The following CEP97 variants were observed in gnomAD, a reference collection of about 807,000 sequenced individuals.
The protein encoded by CEP97 is centrosomal protein of 97 kDa.
A neutral mutation model predicts 73.1 loss-of-function variants in CEP97; 43 were observed. That is an observed-to-expected ratio of 0.59 (90% CI 0.46 to 0.76). The LOEUF is 0.76. Among genes scored for constraint, CEP97 ranks in the 30% least tolerant of loss-of-function variants. CEP97 has a pLI of 0.00. For synonymous variants in CEP97, 337 were observed against 370.0 expected (o/e 0.91, Z 1.02); for missense variants, 939 against 1,014.0 (o/e 0.93, Z 1.00).
intron 6 of CEP97, among the ~76,000 whole-genome samples, chr3:101,738,071 T>A (rs564120001): frequency 1.2e-4 from 17 of 141,720 alleles, no homozygotes; most frequent in Middle Eastern, 3.8e-3. Flanking sequence ...TAAAACAGAC[T>A]TTAAACCAAC....
At position 101,732,666 on chromosome 3, in the gene CEP97, C is replaced by T; in HGVS notation, c.728+12C>T. On this transcript the variant is annotated intron_variant, in intron 6 of 10. Coordinates refer to ENST00000341893, the MANE Select transcript of CEP97 (RefSeq NM_024548.4). Reference sequence around the variant, plus strand: ...TCTCAGAAGGAAAGGTAAACATGTGCTCTTTAACATCACAAATGTTACTGA... The same window carrying T: ...TCTCAGAAGGAAAGGTAAACATGTGTTCTTTAACATCACAAATGTTACTGA... The T allele has an allele frequency of 1.3e-6, 2 of 1,589,662 alleles. No homozygotes were observed. The highest frequency in any genetic ancestry group is 1.1e-5 in the South Asian group (1 of 88,928).
intron 6 of CEP97, among the ~76,000 whole-genome samples, chr3:101,752,473 A>G (rs1938863001): frequency 6.6e-6 from 1 of 152,282 alleles, no homozygotes; most frequent in South Asian, 2.1e-4. Flanking sequence ...TCTCCTGGAT[A>G]ATATCTTGCA....
intron 6 of CEP97, among the ~76,000 whole-genome samples, chr3:101,744,156 A>G (rs1938540448): frequency 6.6e-6 from 1 of 152,162 alleles, no homozygotes; most frequent in Admixed American, 6.5e-5. Context: ...GTTACCCAGC[A>G]ATTTTACTTC....
chr3:101,741,819 A>T (rs1576684218), intron 6 of CEP97, among the ~76,000 whole-genome samples: 1 of 152,148 alleles, frequency 6.6e-6, no homozygotes, highest in South Asian at 2.1e-4. Context: ...AGGCAGGTGG[A>T]TCACGAGGTC....
rs766846570 is a variant in CEP97 at position 101,728,930 on chromosome 3, C to T, written c.440C>T (p.Ser147Phe). Residue 147 changes from serine (S) to phenylalanine (F), a missense_variant, in exon 4 of 11, where the codon TCC becomes TTC. Coordinates refer to ENST00000341893, the MANE Select transcript of CEP97 (RefSeq NM_024548.4). ...SQIGDLSKLV[S>F]LKTLLLHGNI... ...ATAGGTGATCTATCTAAATTGGTAT[C>T]CCTGAAAGTAAGTATGTTTTCTTTG... 2.7e-6 allele frequency: 4 copies of T among 1,488,422 alleles called. No individual in the cohort carries two copies. The highest frequency in any genetic ancestry group is 2.3e-5 in the East Asian group (1 of 44,252). The allele number at this position is 1,488,422 out of a possible 1,614,324, so 92.2% of individuals were successfully genotyped here.
At position 101,727,374 on chromosome 3, in the gene CEP97, T is replaced by C. The variant is rs1016370346; in HGVS notation, c.187-9T>C. The C allele has an allele frequency of 3.1e-6, 5 of 1,604,938 alleles. No homozygotes were observed. The highest frequency in any genetic ancestry group is 4.3e-6 in the Non-Finnish European group (5 of 1,175,496). Reference sequence around the variant, plus strand: ...TTCCTAAAAATAACAATATGTTTCCTTTTTACAGTTATCAGTAGCTAATAA... The same window carrying C: ...TTCCTAAAAATAACAATATGTTTCCCTTTTACAGTTATCAGTAGCTAATAA... On this transcript the variant is annotated splice_polypyrimidine_tract_variant and intron_variant, in intron 2 of 10. Transcript: ENST00000341893.
At chr3:101,745,268 T>C (rs750488973) in intron 6 of CEP97, among the ~76,000 whole-genome samples, 1 of 152,200 alleles carries the variant, frequency 6.6e-6, no homozygotes, top group Non-Finnish European at 1.5e-5. Flanking sequence ...ATATTTTCTT[T>C]TTAATTTTCA....
At chr3:101,742,232 C>T (rs1427851604) in intron 6 of CEP97, among the ~76,000 whole-genome samples, 2 of 151,882 alleles carry the variant, frequency 1.3e-5, no homozygotes, top group African/African-American at 2.4e-5. Flanking sequence ...ATCCCATTAC[C>T]GAGTATATAC....
rs778012381 is a variant in CEP97 at position 101,762,529 on chromosome 3, A to G, written c.1862A>G (p.Gln621Arg). 18 of 1,611,432 alleles carry G rather than the reference A, an allele frequency of 1.1e-5. No homozygotes were observed. Among genetic ancestry groups the G allele is most frequent in the Non-Finnish European group, 1.1e-5 (13 of 1,178,774 alleles). Reference sequence around the variant, plus strand: ...GAAGAACGTATTAAAAAATTTGTACAAGAAGAAGCTTTCAGATTCCTTTGG... The same window carrying G: ...GAAGAACGTATTAAAAAATTTGTACGAGAAGAAGCTTTCAGATTCCTTTGG... ...RDEERIKKFV[Q>R]EEAFRFLWNQ... The change falls in exon 10 of 11, where the codon CAA becomes CGA. Residue 621 changes from glutamine to arginine, a missense_variant. Transcript: ENST00000341893.
chr3:101,736,390 G>A (rs912143396), intron 6 of CEP97, among the ~76,000 whole-genome samples: 4 of 152,148 alleles, frequency 2.6e-5, no homozygotes, highest in African/African-American at 4.8e-5. Flanking sequence ...CCTGATCCCC[G>A]TGTCTCCTGA....
At chr3:101,751,030 G>C (rs1456595000) in intron 6 of CEP97, among the ~76,000 whole-genome samples, 2 of 152,122 alleles carry the variant, frequency 1.3e-5, no homozygotes, top group African/African-American at 4.8e-5. Context: ...GATCTTTCCT[G>C]CTTTCTCTTG....
intron 4 of CEP97, among the ~76,000 whole-genome samples, chr3:101,729,304 C>G (rs956437167): frequency 3.3e-5 from 5 of 150,350 alleles, no homozygotes; most frequent in Non-Finnish European, 7.4e-5. Flanking sequence ...GGTCACTGCA[C>G]TCTAGCCTGG....
intron 1 of CEP97, among the ~76,000 whole-genome samples, 190 bp downstream of exon 1, chr3:101,724,909 G>A (rs562145707): frequency 1.3e-5 from 2 of 152,320 alleles, no homozygotes; most frequent in East Asian, 3.9e-4. Context: ...CTCCGGCGTC[G>A]CGGTGAGGGC....
At chr3:101,758,920 T>C (rs923446731) in intron 9 of CEP97, 1 of 155,110 alleles carries the variant, frequency 6.4e-6, no homozygotes, top group Non-Finnish European at 1.4e-5. Context: ...ATTTCATTAA[T>C]ATTGCAACTA....
At chr3:101,763,019 G>A in intron 10 of CEP97, 1 of 1,180,596 alleles carries the variant, frequency 8.5e-7, no homozygotes, top group Non-Finnish European at 1.1e-6. Flanking sequence ...TAGGCAGTTG[G>A]TTTTACTAGC....
chr3:101,763,595 G>C (rs577801100), intron 10 of CEP97, among the ~76,000 whole-genome samples: 1 of 152,082 alleles, frequency 6.6e-6, no homozygotes, highest in Non-Finnish European at 1.5e-5. Flanking sequence ...TTGGGCGGGG[G>C]GTCAAAGGGA....
chr3:101,757,048 A>G lies in CEP97; in HGVS notation c.894-15A>G, dbSNP rs1939024883. ...TGGTTTGTGTTAAATTAGACCAGGT[A>G]TTATTGATTTTTAGGTTTCACCAGA... is the stretch of plus-strand genomic sequence containing the variant. On this transcript the variant is annotated splice_polypyrimidine_tract_variant and intron_variant, in intron 7 of 10. Transcript: ENST00000341893. The G allele has an allele frequency of 2.5e-6, 4 of 1,595,780 alleles. No individual in the cohort carries two copies. The highest frequency in any genetic ancestry group is 1.4e-5 in the African/African-American group (1 of 73,646).
In CEP97 at chr3:101,757,893, C is replaced by T; in HGVS notation, c.1287C>T (p.Gly429=). ...VELRLQGINL[G]LEDDGVADES... ...TGAGGCTGCAGGGCATTAACTTGGG[C>T]CTAGAAGATGATGGTGTTGCAGATG... The change falls in exon 9 of 11, where the codon GGC becomes GGT. Residue 429 remains glycine, a synonymous_variant. Transcript: ENST00000341893. 1.2e-6 allele frequency: 2 copies of T among 1,614,158 alleles called. No homozygotes were observed. Among genetic ancestry groups the T allele is most frequent in the Non-Finnish European group, 1.7e-6 (2 of 1,180,038 alleles).
rs1468986883 is a variant in CEP97 at position 101,753,328 on chromosome 3, C to T, written c.729-2102C>T. On this transcript the variant is annotated intron_variant, in intron 6 of 10. Coordinates refer to ENST00000341893, the MANE Select transcript of CEP97 (RefSeq NM_024548.4). ...TACTGGGGGGTGCCTCCCAGTTAGG[C>T]TGCTCAGGGGTCAGGGGTCAGGGGT... 4.6e-5 allele frequency among the ~76,000 whole-genome samples: 7 copies of T among 152,130 alleles called. 1 individual carries two copies. Among genetic ancestry groups the T allele is most frequent in the Non-Finnish European group, 2.9e-5 (2 of 68,024 alleles).
Sources: gnomAD v4.1 joint callset for allele counts (sites outside exome capture counted in the v4.1 genomes callset) on GRCh38, gnomAD v4.1.1 for gene constraint, MANE v1.5 for transcripts, NCBI Gene and HGNC (gene_info 2026-07-23, HGNC 2026-07-21) for gene names.